STAG1: variants seen among roughly 807,000 people sequenced by gnomAD.
STAG1 encodes the protein STAG1 cohesin complex component.
STAG1 carries 26 observed loss-of-function variants against 170.9 expected under a neutral mutation model. The observed-to-expected ratio is 0.15, with a 90% CI of 0.11 to 0.21. The LOEUF (loss-of-function observed/expected upper bound fraction) is 0.21, where lower values mean the gene tolerates loss of function less well. STAG1 is among the 10% of genes least tolerant of loss of function. The pLI, the probability that STAG1 is intolerant of heterozygous loss-of-function variation, is 1.00. For missense variants in STAG1, 964 were observed against 1,509.5 expected, an observed-to-expected ratio of 0.64 and a Z score of 5.99; for synonymous variants, 514 against 497.7, an observed-to-expected ratio of 1.03 and a Z score of -0.44.
chr3:136,701,733 TAAA>T (rs1943068198), intron 1 of STAG1, among the ~76,000 whole-genome samples: 1 of 152,140 alleles, frequency 6.6e-6, no homozygotes, highest in South Asian at 2.1e-4. Flanking sequence ...AATCACTCAA[TAAA>T]AGGCAGTTAA....
rs769155825 is a variant in STAG1 at position 136,459,220 on chromosome 3, GAAAAAAA to G, written c.1313+5654_1313+5660del. Among the ~76,000 whole-genome samples, 11 of 91,636 alleles carry G rather than the reference GAAAAAAA, an allele frequency of 1.2e-4. No individual in the cohort carries two copies. In the South Asian group the frequency reaches 2.2e-3, roughly 18 times the overall value. The allele number at this position is 91,636 out of a possible 152,430, so 60.1% of individuals were successfully genotyped here. A position where few individuals can be genotyped will look rare whatever the true frequency, so the allele number is the denominator to read the frequency against. ...CGACAGAGCGAGACTCTGTCTTAAA[GAAAAAAA>G]AAAAAAAAAGAAAAGAAAAGAAAAG... On this transcript the variant is annotated intron_variant, in intron 13 of 33. Coordinates refer to ENST00000383202, the MANE Select transcript of STAG1 (RefSeq NM_005862.3).
chr3:136,464,144 C>A (rs2089375862), intron 13 of STAG1, among the ~76,000 whole-genome samples: 1 of 151,880 alleles, frequency 6.6e-6, no homozygotes, highest in Non-Finnish European at 1.5e-5. Context: ...CTGATCATGG[C>A]CAGGTGTGGT....
At chr3:136,466,667 T>A (rs2089470504) in intron 12 of STAG1, among the ~76,000 whole-genome samples, 1 of 151,900 alleles carries the variant, frequency 6.6e-6, no homozygotes, top group South Asian at 2.1e-4. Flanking sequence ...ACAAAGATAC[T>A]CCTCGAGAAG....
At chr3:136,510,911 T>A (rs1293373213) in intron 7 of STAG1, among the ~76,000 whole-genome samples, 2 of 152,210 alleles carry the variant, frequency 1.3e-5, no homozygotes, top group Non-Finnish European at 2.9e-5. Context: ...GTAGCTGGGA[T>A]TACAGGCACG....
chr3:136,374,585 C>A (rs969418145), intron 23 of STAG1, among the ~76,000 whole-genome samples: 2 of 151,484 alleles, frequency 1.3e-5, no homozygotes, highest in African/African-American at 4.9e-5. Flanking sequence ...CCACTGCACT[C>A]CAGCCTGGGC....
chr3:136,503,700 T>C (rs1015588915), intron 7 of STAG1, among the ~76,000 whole-genome samples: 3 of 152,312 alleles, frequency 2.0e-5, no homozygotes, highest in African/African-American at 7.2e-5. Context: ...ATCCATATAA[T>C]TAAAAACAAG....
chr3:136,468,482 C>A (rs984611757), intron 12 of STAG1, among the ~76,000 whole-genome samples: 2 of 152,078 alleles, frequency 1.3e-5, no homozygotes, highest in African/African-American at 4.8e-5. Flanking sequence ...CTGAATAGAC[C>A]AATAACAGGC....
chr3:136,609,970 T>A (rs547106716), intron 3 of STAG1, among the ~76,000 whole-genome samples: 118 of 152,150 alleles, frequency 7.8e-4, no homozygotes, highest in African/African-American at 2.4e-3. Flanking sequence ...AAAAAAAAAA[T>A]TTTGCATTTT....
chr3:136,469,883 G>T (rs562212854), intron 12 of STAG1, among the ~76,000 whole-genome samples: 6 of 152,302 alleles, frequency 3.9e-5, no homozygotes, highest in Non-Finnish European at 7.4e-5. Context: ...AAGCAATGGG[G>T]AAAGGATTCC....
intron 23 of STAG1, among the ~76,000 whole-genome samples, chr3:136,374,758 T>G (rs1339235518): frequency 6.6e-6 from 1 of 152,090 alleles, no homozygotes. Context: ...AATTTATTAT[T>G]GAAGAAAGAA....
chr3:136,433,710 A>G, intron 15 of STAG1, 51 bp from the exon 16 acceptor site: 1 of 1,245,806 alleles, frequency 8.0e-7, no homozygotes, highest in Non-Finnish European at 1.2e-6. Context: ...TACAACAACC[A>G]TGTATTAAAA....
At chr3:136,526,550 A>G (rs974278677) in intron 6 of STAG1, among the ~76,000 whole-genome samples, 2 of 152,098 alleles carry the variant, frequency 1.3e-5, no homozygotes, top group Non-Finnish European at 2.9e-5. Context: ...TCTTTATCCA[A>G]TTTGCCAGTC....
intron 4 of STAG1, among the ~76,000 whole-genome samples, chr3:136,602,381 CAAAAA>C (rs397819185): frequency 1.2e-5 from 1 of 81,726 alleles, no homozygotes; most frequent in Admixed American, 1.4e-4. Context: ...CCATCTCAAA[CAAAAA>C]AAAAAAAAAA....
At chr3:136,409,373 C>G (rs997834501) in intron 21 of STAG1, among the ~76,000 whole-genome samples, 1 of 151,966 alleles carries the variant, frequency 6.6e-6, no homozygotes, top group African/African-American at 2.4e-5. Flanking sequence ...TTGAGACAGT[C>G]TCATCCAGGA....
At chr3:136,408,574 G>A (rs1178822348) in intron 21 of STAG1, among the ~76,000 whole-genome samples, 1 of 151,978 alleles carries the variant, frequency 6.6e-6, no homozygotes, top group Non-Finnish European at 1.5e-5. Context: ...ATGGTAGTGG[G>A]GCTAAAAGAG....
intron 3 of STAG1, among the ~76,000 whole-genome samples, chr3:136,614,148 G>A (rs1347124453): frequency 3.3e-5 from 5 of 152,102 alleles, no homozygotes; most frequent in African/African-American, 1.2e-4. Context: ...CCCGGGAGGC[G>A]GAGGTTGCAG....
At chr3:136,692,089 C>A (rs1942744203) in intron 1 of STAG1, among the ~76,000 whole-genome samples, 1 of 151,842 alleles carries the variant, frequency 6.6e-6, no homozygotes, top group African/African-American at 2.4e-5. Flanking sequence ...CTGAGGCAGG[C>A]AGATCACCTG....
intron 9 of STAG1, among the ~76,000 whole-genome samples, chr3:136,484,689 T>C (rs61789656): frequency 6.6e-6 from 1 of 150,826 alleles, no homozygotes; most frequent in East Asian, 2.0e-4. Flanking sequence ...CGTTGCCGCC[T>C]TGCAGTTTGA....
At chr3:136,627,391 T>C (rs1238689661) in intron 2 of STAG1, among the ~76,000 whole-genome samples, 2 of 152,194 alleles carry the variant, frequency 1.3e-5, no homozygotes, top group East Asian at 3.8e-4. Flanking sequence ...ATTTAGGCTT[T>C]TGCATCTCTC....
Sources: gnomAD v4.1 joint callset for allele counts (sites outside exome capture counted in the v4.1 genomes callset) on GRCh38, gnomAD v4.1.1 for gene constraint, MANE v1.5 for transcripts, NCBI Gene and HGNC (gene_info 2026-07-23, HGNC 2026-07-21) for gene names.